DCTN6: variants seen among roughly 807,000 people sequenced by gnomAD.
DCTN6 encodes dynactin subunit 6.
A neutral mutation model predicts 25.8 loss-of-function variants in DCTN6; 15 were observed. That is an observed-to-expected ratio of 0.58 (90% CI 0.39 to 0.89). The LOEUF (loss-of-function observed/expected upper bound fraction) is 0.89, where lower values mean the gene tolerates loss of function less well. Ranked by LOEUF, DCTN6 falls within the 40% of genes least tolerant of loss-of-function variation. DCTN6 has a pLI of 0.00. For synonymous variants in DCTN6, 64 were observed against 78.3 expected, an observed-to-expected ratio of 0.82 and a Z score of 0.96; for missense variants, 198 against 237.6, an observed-to-expected ratio of 0.83 and a Z score of 1.09.
At chr8:30,157,456 G>A (rs1466365446) in intron 1 of DCTN6, among the ~76,000 whole-genome samples, 1 of 152,190 alleles carries the variant, frequency 6.6e-6, no homozygotes, top group Admixed American at 6.5e-5. Context: ...TGGGTCGAAT[G>A]GTAGTTCCGT....
At chr8:30,181,002 A>T in intron 6 of DCTN6, 1 of 285,184 alleles carries the variant, frequency 3.5e-6, no homozygotes. Flanking sequence ...CTCCAGCCTG[A>T]GCAACAGAGA....
At chr8:30,170,794 T>C (rs10095115) in intron 2 of DCTN6, among the ~76,000 whole-genome samples, 151,502 of 151,956 alleles carry the variant, frequency 1, 75,527 homozygotes, top group Middle Eastern at 1. Context: ...ATGCCCGCCA[T>C]AATGCCCGGC....
At chr8:30,175,814 A>G (rs958239412) in intron 3 of DCTN6, among the ~76,000 whole-genome samples, 12 of 152,186 alleles carry the variant, frequency 7.9e-5, no homozygotes, top group Admixed American at 3.3e-4. Flanking sequence ...TCAAGCTTAT[A>G]CCTAATTTAT....
chr8:30,158,422 A>T (rs1403124056), intron 1 of DCTN6, among the ~76,000 whole-genome samples: 1 of 152,178 alleles, frequency 6.6e-6, no homozygotes, highest in Non-Finnish European at 1.5e-5. Flanking sequence ...ACAGCTGGTG[A>T]TACATTCAAG....
Position 30,175,198 on chromosome 8 carries a change from T to G in DCTN6, c.194+8T>G. The stretch of plus-strand genomic sequence containing the variant: ...GGCCCTTATCATAAATGCGTAAGAC[T>G]CTTATACATACTGTGAACCAAGTAC... On this transcript the variant is annotated splice_region_variant and intron_variant, in intron 3 of 6. Coordinates refer to ENST00000221114, the MANE Select transcript of DCTN6 (RefSeq NM_006571.4). The G allele has an allele frequency of 6.2e-7, 1 of 1,609,904 alleles. No homozygotes were observed. Among genetic ancestry groups the G allele is most frequent in the East Asian group, 2.2e-5 (1 of 44,792 alleles).
chr8:30,180,738 TAAAACAA>T, intron 6 of DCTN6, 108 bp downstream of exon 6: 1 of 1,337,760 alleles, frequency 7.5e-7, no homozygotes. Context: ...ATAATTAAAA[TAAAACAA>T]AAGATGCCAG....
intron 1 of DCTN6, among the ~76,000 whole-genome samples, chr8:30,160,903 G>A (rs1184546316): frequency 3.9e-5 from 6 of 152,176 alleles, no homozygotes; most frequent in East Asian, 3.9e-4. Context: ...TACCTTCAAC[G>A]TTGCCTAGAA....
At chr8:30,176,357 G>A (rs112564506) in intron 3 of DCTN6, among the ~76,000 whole-genome samples, 1,634 of 146,130 alleles carry the variant, frequency 0.011, 20 homozygotes, top group South Asian at 0.069. Context: ...GTGAAACCCC[G>A]TCTCTACTGA....
Position 30,174,632 on chromosome 8 carries a change from G to T in DCTN6, c.89-453G>T, listed in dbSNP as rs16876613. On this transcript the variant is annotated intron_variant, in intron 2 of 6. Transcript: ENST00000221114. ...AATTATGTAATAAAAAGACTAATTCGGAGGTACACTCGCATAAGAAAGCAG... is the reference window on the plus strand; with the variant it reads ...AATTATGTAATAAAAAGACTAATTCTGAGGTACACTCGCATAAGAAAGCAG... Among the ~76,000 whole-genome samples the T allele has an allele frequency of 1.6e-3, 240 of 152,222 alleles. 1 individual carries two copies. The highest frequency in any genetic ancestry group is 6.0e-4 in the Non-Finnish European group (41 of 68,022).
At chr8:30,182,968 C>A in intron 6 of DCTN6, 107 bp from the exon 7 acceptor site, 2 of 811,040 alleles carry the variant, frequency 2.5e-6, no homozygotes, top group South Asian at 1.6e-5. Flanking sequence ...CCTGTCTGGG[C>A]CTCCCAAAGT....
At chr8:30,164,517 T>C (rs983872964) in intron 2 of DCTN6, among the ~76,000 whole-genome samples, 4 of 152,208 alleles carry the variant, frequency 2.6e-5, no homozygotes, top group African/African-American at 9.6e-5. Context: ...TGGAGCTTCG[T>C]GGAGAGCGTG....
chr8:30,176,868 G>T (rs1017356226), intron 3 of DCTN6: 2 of 321,418 alleles, frequency 6.2e-6, no homozygotes, highest in Non-Finnish European at 1.2e-5. Context: ...CCAGCTACTC[G>T]GGAGGCTGAG....
intron 2 of DCTN6, among the ~76,000 whole-genome samples, chr8:30,166,593 G>C (rs1414777725): frequency 1.3e-5 from 2 of 152,122 alleles, no homozygotes; most frequent in Admixed American, 6.6e-5. Flanking sequence ...AACATCTTTT[G>C]CAGAAGCTTT....
chr8:30,178,470 T>TAAAAA (rs201060800), intron 4 of DCTN6, among the ~76,000 whole-genome samples: 3 of 79,816 alleles, frequency 3.8e-5, no homozygotes, highest in East Asian at 2.6e-4. Flanking sequence ...TCAAAAAGAT[T>TAAAAA]AAAAAAAAAA....
chr8:30,165,506 A>AT (rs902472366), intron 2 of DCTN6, among the ~76,000 whole-genome samples: 3 of 151,644 alleles, frequency 2.0e-5, no homozygotes, highest in African/African-American at 7.3e-5. Context: ...CCTCCAAACA[A>AT]TTTAGGCATC....
At chr8:30,157,036 A>G (rs1432337326) in intron 1 of DCTN6, among the ~76,000 whole-genome samples, 1 of 152,182 alleles carries the variant, frequency 6.6e-6, no homozygotes, top group Non-Finnish European at 1.5e-5. Context: ...TAGTGTACTT[A>G]CCACCCAAAT....
At chr8:30,168,406 C>G (rs1029058822) in intron 2 of DCTN6, among the ~76,000 whole-genome samples, 40 of 152,286 alleles carry the variant, frequency 2.6e-4, no homozygotes, top group South Asian at 6.2e-4. Flanking sequence ...CTGGGAGATA[C>G]AATTATAAAA....
chr8:30,157,763 G>A (rs1803545157), intron 1 of DCTN6, among the ~76,000 whole-genome samples: 2 of 152,146 alleles, frequency 1.3e-5, no homozygotes, highest in African/African-American at 4.8e-5. Context: ...CAGCAGCAGT[G>A]TTGAGCTCCC....
At chr8:30,176,249 G>T (rs1267010167) in intron 3 of DCTN6, among the ~76,000 whole-genome samples, 1 of 152,210 alleles carries the variant, frequency 6.6e-6, no homozygotes, top group African/African-American at 2.4e-5. Flanking sequence ...AATAAAGTAG[G>T]CTGGGCGTGG....
Sources: gnomAD v4.1 joint callset for allele counts (sites outside exome capture counted in the v4.1 genomes callset) on GRCh38, gnomAD v4.1.1 for gene constraint, MANE v1.5 for transcripts, NCBI Gene and HGNC (gene_info 2026-07-23, HGNC 2026-07-21) for gene names.